Variants in ENTREP2 observed in about 807,000 individuals in gnomAD.
ENTREP2 encodes the protein protein ENTREP2.
chr15:29,435,982 C>T, the ENTREP2 span, among the ~76,000 whole-genome samples: 18 of 152,138 alleles, frequency 1.2e-4, no homozygotes, highest in African/African-American at 3.6e-4. Context: ...ATGAGTCAAC[C>T]GATGTACTAG....
At chr15:29,610,190 G>A in the ENTREP2 span, 2 of 150,758 alleles carry the variant, frequency 1.3e-5, no homozygotes, top group Middle Eastern at 6.9e-3. Context: ...ACTCACAATT[G>A]AGTAACACTT....
the ENTREP2 span, among the ~76,000 whole-genome samples, chr15:29,653,631 T>TC: frequency 2.0e-5 from 3 of 152,192 alleles, no homozygotes; most frequent in Non-Finnish European, 2.9e-5. Context: ...GTGCCTTGCT[T>TC]CCCCTTTGCC....
chr15:29,356,283 T>C, the ENTREP2 span, among the ~76,000 whole-genome samples: 17 of 53,890 alleles, frequency 3.2e-4, no homozygotes, highest in Non-Finnish European at 6.3e-4. Flanking sequence ...TATATATATA[T>C]ATATATATAT....
At chr15:29,181,001 A>T in the ENTREP2 span, among the ~76,000 whole-genome samples, 1 of 152,110 alleles carries the variant, frequency 6.6e-6, no homozygotes, top group Non-Finnish European at 1.5e-5. Context: ...CAATGACAAG[A>T]TCAATAAATA....
chr15:29,126,793 C>T, the ENTREP2 span, among the ~76,000 whole-genome samples: 1 of 152,182 alleles, frequency 6.6e-6, no homozygotes, highest in Non-Finnish European at 1.5e-5. Flanking sequence ...TGAACAGGGC[C>T]AGTGCAGGGG....
chr15:29,540,347 T>C, the ENTREP2 span, among the ~76,000 whole-genome samples: 1 of 152,218 alleles, frequency 6.6e-6, no homozygotes, highest in East Asian at 1.9e-4. Context: ...CTTATTTTTT[T>C]CTATCCAACT....
the ENTREP2 span, among the ~76,000 whole-genome samples, chr15:29,291,855 G>GTT: frequency 6.7e-6 from 1 of 149,488 alleles, no homozygotes; most frequent in African/African-American, 2.4e-5. Context: ...GTTTGCATAG[G>GTT]TTTTTTTTTT....
chr15:29,134,014 T>C, the ENTREP2 span, among the ~76,000 whole-genome samples: 2 of 152,214 alleles, frequency 1.3e-5, no homozygotes, highest in East Asian at 3.9e-4. Flanking sequence ...GCATGCCTGA[T>C]GCCCACCCAG....
chr15:29,151,844 G>C, the ENTREP2 span: 1 of 1,549,300 alleles, frequency 6.5e-7, no homozygotes, highest in Non-Finnish European at 8.7e-7. Flanking sequence ...AGGAGATCCT[G>C]CGAGGAAAGG....
the ENTREP2 span, among the ~76,000 whole-genome samples, chr15:29,205,283 G>A: frequency 3.9e-5 from 6 of 152,120 alleles, no homozygotes. Context: ...TATGAACATG[G>A]GTGTGCACAT....
At chr15:29,442,201 G>GT in the ENTREP2 span, among the ~76,000 whole-genome samples, 1 of 152,334 alleles carries the variant, frequency 6.6e-6, no homozygotes, top group South Asian at 2.1e-4. Flanking sequence ...CAGGAACAGA[G>GT]TATGTTCAAA....
the ENTREP2 span, among the ~76,000 whole-genome samples, chr15:29,517,469 T>C: frequency 1.3e-5 from 2 of 152,112 alleles, no homozygotes; most frequent in African/African-American, 4.8e-5. Flanking sequence ...TTCTTTGAAA[T>C]TAGGTATGCC....
the ENTREP2 span, among the ~76,000 whole-genome samples, chr15:29,247,677 T>G: frequency 6.6e-6 from 1 of 152,152 alleles, no homozygotes; most frequent in African/African-American, 2.4e-5. Flanking sequence ...CCAGCATACA[T>G]GTCCAGCTTC....
chr15:29,172,598 G>A, the ENTREP2 span, among the ~76,000 whole-genome samples: 1 of 151,974 alleles, frequency 6.6e-6, no homozygotes, highest in African/African-American at 2.4e-5. Flanking sequence ...GGGAGAGGGA[G>A]GGATGACAGA....
the ENTREP2 span, among the ~76,000 whole-genome samples, chr15:29,657,483 C>CGGGGCGGGGG: frequency 5.0e-4 from 35 of 69,408 alleles, no homozygotes; most frequent in African/African-American, 2.0e-3. Flanking sequence ...GCTGGGGGGG[C>CGGGGCGGGGG]GGGGGGGGGG....
chr15:29,251,986 A>G, the ENTREP2 span, among the ~76,000 whole-genome samples: 1 of 152,224 alleles, frequency 6.6e-6, no homozygotes, highest in Non-Finnish European at 1.5e-5. Context: ...TATGTACATC[A>G]GCACTTAAAA....
At chr15:29,627,335 G>T in the ENTREP2 span, among the ~76,000 whole-genome samples, 1 of 152,228 alleles carries the variant, frequency 6.6e-6, no homozygotes, top group South Asian at 2.1e-4. Flanking sequence ...ACGAGGTCAA[G>T]ACATCAAGAC....
the ENTREP2 span, among the ~76,000 whole-genome samples, chr15:29,173,003 G>A: frequency 2.6e-5 from 4 of 152,188 alleles, no homozygotes. Flanking sequence ...GGCACCCTCT[G>A]CAGCCTATTT....
chr15:29,406,554 T>TA, the ENTREP2 span, among the ~76,000 whole-genome samples: 12 of 151,372 alleles, frequency 7.9e-5, no homozygotes, highest in South Asian at 2.1e-4. Context: ...TTTCAAAAAT[T>TA]AAAAAAAAGA....
Sources: gnomAD v4.1 joint callset for allele counts (sites outside exome capture counted in the v4.1 genomes callset) on GRCh38, gnomAD v4.1.1 for gene constraint, MANE v1.5 for transcripts, NCBI Gene and HGNC (gene_info 2026-07-23, HGNC 2026-07-21) for gene names.